Variants in AGMO observed in about 807,000 individuals in gnomAD.
The protein encoded by AGMO is alkylglycerol monooxygenase, also known as glyceryl-ether monooxygenase.
Under a neutral mutation model 60.2 loss-of-function variants are expected in AGMO, and 75 were observed. The ratio of observed to expected loss-of-function variants is 1.25; its 90% CI spans 1.03 to 1.51. AGMO has a LOEUF of 1.51. Ranked by LOEUF, AGMO falls within the 40% of genes most tolerant of loss-of-function variation. AGMO has a pLI of 0.00. For missense variants in AGMO, 763 were observed against 525.5 expected (o/e 1.45, Z -4.42); for synonymous variants, 261 against 177.1 (o/e 1.47, Z -3.76).
chr7:15,211,811 C>A (rs1051861033), intron 12 of AGMO, among the ~76,000 whole-genome samples: 3 of 151,940 alleles, frequency 2.0e-5, no homozygotes, highest in Non-Finnish European at 4.4e-5. Flanking sequence ...AATGGAAATA[C>A]ATGCATAAAC....
At chr7:15,480,576 G>C (rs1425690928) in intron 3 of AGMO, among the ~76,000 whole-genome samples, 1 of 152,060 alleles carries the variant, frequency 6.6e-6, no homozygotes, top group Non-Finnish European at 1.5e-5. Context: ...ATGTTGCCTG[G>C]AATTCTCCTT....
In AGMO at chr7:15,390,769, G is replaced by T. The variant is rs1318328014; in HGVS notation, c.743-19C>A. On this transcript the variant is annotated intron_variant, in intron 7 of 12. Coordinates refer to ENST00000342526, the MANE Select transcript of AGMO (RefSeq NM_001004320.2). ...AATGTCCCTGGAAGATAAATATAAAGATATGAGATTTGGCTTCCTGTAAAG... is the reference window on the plus strand; with the variant it reads ...AATGTCCCTGGAAGATAAATATAAATATATGAGATTTGGCTTCCTGTAAAG... 2 of 1,599,216 alleles carry T rather than the reference G, an allele frequency of 1.3e-6. No individual in the cohort carries two copies. The highest frequency in any genetic ancestry group is 1.3e-5 in the African/African-American group (1 of 74,522).
intron 3 of AGMO, among the ~76,000 whole-genome samples, chr7:15,510,145 A>G (rs1783629530): frequency 6.6e-6 from 1 of 152,088 alleles, no homozygotes; most frequent in Non-Finnish European, 1.5e-5. Context: ...CAAAGAGACA[A>G]GATATAGAAA....
At chr7:15,362,479 A>G (rs542961873) in intron 12 of AGMO, among the ~76,000 whole-genome samples, 9 of 152,328 alleles carry the variant, frequency 5.9e-5, no homozygotes, top group Admixed American at 2.6e-4. Flanking sequence ...ATGAACAATG[A>G]TAACTGTAAT....
chr7:15,531,794 G>A (rs1053962060), intron 3 of AGMO, among the ~76,000 whole-genome samples: 2 of 150,552 alleles, frequency 1.3e-5, no homozygotes, highest in Admixed American at 6.8e-5. Context: ...CCAAGTAGCT[G>A]GGATTATAGG....
intron 12 of AGMO, among the ~76,000 whole-genome samples, chr7:15,292,190 G>A (rs1185577501): frequency 6.6e-6 from 1 of 152,184 alleles, no homozygotes; most frequent in Non-Finnish European, 1.5e-5. Flanking sequence ...AGGATTCAGA[G>A]CAGAGATTCT....
chr7:15,258,592 C>A (rs952527523), intron 12 of AGMO, among the ~76,000 whole-genome samples: 1 of 152,080 alleles, frequency 6.6e-6, no homozygotes, highest in African/African-American at 2.4e-5. Context: ...AAGAAAATTC[C>A]ACTTCCTGGC....
the AGMO span, among the ~76,000 whole-genome samples, chr7:15,192,772 G>C: frequency 0.098 from 14,976 of 152,070 alleles, 865 homozygotes; most frequent in East Asian, 0.15. Flanking sequence ...CTGTCCATTT[G>C]AGTGTTCCCC....
intron 3 of AGMO, among the ~76,000 whole-genome samples, chr7:15,533,402 A>C (rs1291562472): frequency 6.6e-6 from 1 of 152,148 alleles, no homozygotes; most frequent in African/African-American, 2.4e-5. Context: ...TGGTTTTATT[A>C]AATTATGATT....
At chr7:15,161,288 G>A in the AGMO span, among the ~76,000 whole-genome samples, 30 of 152,080 alleles carry the variant, frequency 2.0e-4, no homozygotes, top group African/African-American at 7.2e-4. Flanking sequence ...GCAGTTGAAA[G>A]CTTTGCAAGA....
In AGMO at chr7:15,381,663, A is replaced by T. The variant is rs533126547; in HGVS notation, c.1074+3783T>A. ...GAATACTATTCCACCCAGCAATCCC[A>T]TTACTAGGTATACATACAAGGGAAT... On this transcript the variant is annotated intron_variant, in intron 10 of 12. Coordinates refer to ENST00000342526, the MANE Select transcript of AGMO (RefSeq NM_001004320.2). Among the ~76,000 whole-genome samples the T allele has an allele frequency of 5.9e-5, 9 of 152,306 alleles. No individual in the cohort carries two copies. The East Asian group carries it at 1.7e-3, about 29-fold the overall frequency.
At chr7:15,417,381 G>C (rs1398641526) in intron 5 of AGMO, among the ~76,000 whole-genome samples, 1 of 152,160 alleles carries the variant, frequency 6.6e-6, no homozygotes, top group African/African-American at 2.4e-5. Context: ...AGAGGTGAAA[G>C]TGACTGAGGC....
At chr7:15,491,719 C>T (rs1783072263) in intron 3 of AGMO, among the ~76,000 whole-genome samples, 1 of 152,114 alleles carries the variant, frequency 6.6e-6, no homozygotes, top group Non-Finnish European at 1.5e-5. Context: ...CACTCTTTCG[C>T]ATTTGTGAGG....
chr7:15,118,990 T>G, the AGMO span, among the ~76,000 whole-genome samples: 3 of 43,056 alleles, frequency 7.0e-5, no homozygotes, highest in Non-Finnish European at 1.0e-4. Context: ...GCTATTGGGG[T>G]TTTTTTTTCC....
intron 3 of AGMO, among the ~76,000 whole-genome samples, chr7:15,494,993 T>C (rs1358096183): frequency 3.3e-5 from 5 of 152,218 alleles, no homozygotes; most frequent in Admixed American, 6.5e-5. Context: ...TGTAAATAAA[T>C]ACTGATGAAT....
chr7:15,348,947 A>C (rs543306341), intron 12 of AGMO, among the ~76,000 whole-genome samples: 3 of 152,182 alleles, frequency 2.0e-5, no homozygotes, highest in African/African-American at 7.2e-5. Context: ...CTTCTAAATT[A>C]GCTGCCTAAT....
At chr7:15,343,387 C>G (rs1293545018) in intron 12 of AGMO, among the ~76,000 whole-genome samples, 1 of 152,094 alleles carries the variant, frequency 6.6e-6, no homozygotes, top group African/African-American at 2.4e-5. Context: ...ATCCCACTAC[C>G]AAGATGCCTC....
intron 3 of AGMO, among the ~76,000 whole-genome samples, chr7:15,474,085 T>A (rs1782524615): frequency 6.6e-6 from 1 of 152,178 alleles, no homozygotes; most frequent in Admixed American, 6.6e-5. Flanking sequence ...TCCATGCTCA[T>A]GGATAGGAAG....
At chr7:15,360,310 G>A (rs1014291655) in intron 12 of AGMO, among the ~76,000 whole-genome samples, 5 of 152,074 alleles carry the variant, frequency 3.3e-5, no homozygotes, top group African/African-American at 9.7e-5. Flanking sequence ...TGAACAACTC[G>A]GAGGTTAGTG....
Sources: gnomAD v4.1 joint callset for allele counts (sites outside exome capture counted in the v4.1 genomes callset) on GRCh38, gnomAD v4.1.1 for gene constraint, MANE v1.5 for transcripts, NCBI Gene and HGNC (gene_info 2026-07-23, HGNC 2026-07-21) for gene names.